CFAP97D2: variants seen among roughly 807,000 people sequenced by gnomAD.
CFAP97D2 encodes the protein CFAP97 domain containing 2.
intron 4 of CFAP97D2, among the ~76,000 whole-genome samples, chr13:114,213,193 C>T (rs2080976032): frequency 6.6e-6 from 1 of 152,166 alleles, no homozygotes; most frequent in Non-Finnish European, 1.5e-5. Context: ...AGATTGCTTT[C>T]CTTAAAATCC....
At chr13:114,198,131 G>A (rs527396376) in intron 2 of CFAP97D2, among the ~76,000 whole-genome samples, 2 of 152,190 alleles carry the variant, frequency 1.3e-5, no homozygotes, top group South Asian at 2.1e-4. Context: ...GGGACTACAG[G>A]CCCGCACCAC....
chr13:114,218,294 AAATACCTAGG>A (rs2138790341), intron 4 of CFAP97D2, among the ~76,000 whole-genome samples: 1 of 152,368 alleles, frequency 6.6e-6, no homozygotes, highest in East Asian at 1.9e-4. Context: ...AAAGAGAATA[AAATACCTAGG>A]AATCCAACTT....
chr13:114,211,268 C>G lies in CFAP97D2; in HGVS notation c.291-644C>G, dbSNP rs2080965500. Among the ~76,000 whole-genome samples, 1 of 152,196 alleles carries G rather than the reference C, an allele frequency of 6.6e-6. No individual in the cohort carries two copies. The highest frequency in any genetic ancestry group is 2.1e-4 in the South Asian group (1 of 4,826). ...CCTGAACAGGTTTCACCGGTCCCAT[C>G]TCACCACTGCAGTGGGCTGGCATCG... On this transcript the variant is annotated intron_variant, in intron 3 of 4. Coordinates refer to ENST00000646158, the Ensembl canonical transcript of CFAP97D2. The surrounding 1 kb of genome is among the most constrained non-coding windows in gnomAD (Gnocchi z 4.2).
Position 114,188,690 on chromosome 13 carries a change from T to C in CFAP97D2, c.91-7706T>C, listed in dbSNP as rs1293709046. 2.7e-5 allele frequency among the ~76,000 whole-genome samples: 4 copies of C among 147,236 alleles called. No individual in the cohort carries two copies. The South Asian group carries it at 6.4e-4, about 24-fold the overall frequency. ...TGCTTGGGAGGCTGAGGCAGGAGAATGGCATGAACCCCGGAGGAGGAGCTT... is the reference window on the plus strand; with the variant it reads ...TGCTTGGGAGGCTGAGGCAGGAGAACGGCATGAACCCCGGAGGAGGAGCTT... On this transcript the variant is annotated intron_variant, in intron 1 of 4. Coordinates refer to ENST00000646158, the Ensembl canonical transcript of CFAP97D2.
At chr13:114,210,244 ATGGGTTCATCACTTTCTTAATCAG>A (rs908764835) in intron 3 of CFAP97D2, among the ~76,000 whole-genome samples, 141 of 152,224 alleles carry the variant, frequency 9.3e-4, no homozygotes, top group Non-Finnish European at 9.0e-4. Context: ...CACCACTTCA[ATGGGTTCATCACTTTCTTAATCAG>A]TTCCATATTA....
In CFAP97D2 at chr13:114,211,517, G is replaced by A. The variant is rs1247037273; in HGVS notation, c.291-395G>A. ...CTGGGTGCTTGCCCTCCCCGCCTGG[G>A]ACCCTGCTCTCCGCCATGGGTGCCC... On this transcript the variant is annotated intron_variant, in intron 3 of 4. Transcript: ENST00000646158. The surrounding 1 kb of genome is among the most constrained non-coding windows in gnomAD (Gnocchi z 4.2). Among the ~76,000 whole-genome samples, 1 of 151,910 alleles carries A rather than the reference G, an allele frequency of 6.6e-6. No homozygotes were observed. The highest frequency in any genetic ancestry group is 1.5e-5 in the Non-Finnish European group (1 of 67,982).
intron 3 of CFAP97D2, among the ~76,000 whole-genome samples, chr13:114,205,618 T>C (rs1237560432): frequency 1.3e-5 from 2 of 151,882 alleles, no homozygotes; most frequent in East Asian, 3.9e-4. Flanking sequence ...AGCTCGTCCC[T>C]TTGGGAAGAG....
chr13:114,215,991 T>C (rs2080991790), intron 4 of CFAP97D2, among the ~76,000 whole-genome samples: 1 of 152,220 alleles, frequency 6.6e-6, no homozygotes, highest in Non-Finnish European at 1.5e-5. Flanking sequence ...GGGGATGAGA[T>C]TTAACAATCC....
intron 4 of CFAP97D2, among the ~76,000 whole-genome samples, chr13:114,213,071 C>G (rs1387913598): frequency 6.6e-6 from 1 of 152,130 alleles, no homozygotes; most frequent in Non-Finnish European, 1.5e-5. Context: ...CATTAATATA[C>G]TGCTTATAAA....
At chr13:114,182,752 G>T (rs11843038) in intron 1 of CFAP97D2, among the ~76,000 whole-genome samples, 15 of 152,278 alleles carry the variant, frequency 9.9e-5, no homozygotes, top group South Asian at 2.1e-4. Context: ...CATACAACAC[G>T]TGTTTTTATG....
chr13:114,185,162 C>A lies in CFAP97D2; in HGVS notation c.90+5742C>A, dbSNP rs982096566. Among the ~76,000 whole-genome samples, 3 of 152,170 alleles carry A rather than the reference C, an allele frequency of 2.0e-5. No individual in the cohort carries two copies. Among genetic ancestry groups the A allele is most frequent in the Admixed American group, 6.5e-5 (1 of 15,274 alleles). ...GCAGGACCTGCTCCCAGGCCCAGGGCCTCCACCACTGCAGACTCTGGCCCC... is the reference window on the plus strand; with the variant it reads ...GCAGGACCTGCTCCCAGGCCCAGGGACTCCACCACTGCAGACTCTGGCCCC... On this transcript the variant is annotated intron_variant, in intron 1 of 4. Coordinates refer to ENST00000646158, the Ensembl canonical transcript of CFAP97D2. This position sits in a 1 kb window ranked among gnomAD's most constrained non-coding sequence, Gnocchi z 5.2.
At chr13:114,199,069 G>A (rs531084277) in intron 2 of CFAP97D2, among the ~76,000 whole-genome samples, 23 of 60,216 alleles carry the variant, frequency 3.8e-4, no homozygotes, top group African/African-American at 1.8e-3. Flanking sequence ...GAGGCGTGAC[G>A]GCGCGTCCCC....
In CFAP97D2 at chr13:114,189,966, A is replaced by G. The variant is rs188343049; in HGVS notation, c.91-6430A>G. 4.7e-4 allele frequency among the ~76,000 whole-genome samples: 72 copies of G among 152,132 alleles called. No individual in the cohort carries two copies. Among genetic ancestry groups the G allele is most frequent in the African/African-American group, 1.7e-3 (70 of 41,498 alleles). ...AGAACAGCTTGAGCAACATAGCAAG[A>G]CCCCATCTTTACAAAAGAATTTTTA... On this transcript the variant is annotated intron_variant, in intron 1 of 4. Coordinates refer to ENST00000646158, the Ensembl canonical transcript of CFAP97D2. This position sits in a 1 kb window ranked among gnomAD's most constrained non-coding sequence, Gnocchi z 4.5.
intron 3 of CFAP97D2, among the ~76,000 whole-genome samples, chr13:114,205,012 G>A (rs1303485642): frequency 6.6e-6 from 1 of 152,186 alleles, no homozygotes. Context: ...ATGGGCAGAA[G>A]ATCTGAATAG....
chr13:114,182,555 A>G (rs1233700135), intron 1 of CFAP97D2, among the ~76,000 whole-genome samples: 1 of 152,028 alleles, frequency 6.6e-6, no homozygotes. Flanking sequence ...AGACTATCAC[A>G]TGGGGAGAAA....
rs1299412898 is a variant in CFAP97D2 at position 114,199,976 on chromosome 13, C to T, written c.172-349C>T. On this transcript the variant is annotated intron_variant, in intron 2 of 4. Coordinates refer to ENST00000646158, the Ensembl canonical transcript of CFAP97D2. ...CCGATGAGGCGTGACGGCGCGTCCC[C>T]GTGCTTACGGTCCCCGATGAGGCGT... Among the ~76,000 whole-genome samples the T allele has an allele frequency of 3.0e-5, 3 of 99,036 alleles. 1 individual carries two copies. The highest frequency in any genetic ancestry group is 6.0e-5 in the Non-Finnish European group (3 of 50,088). 65.0% of individuals were successfully genotyped at this position (99,036 alleles called of 152,430 possible).
At chr13:114,221,972 C>CT (rs2081024367) in intron 4 of CFAP97D2, among the ~76,000 whole-genome samples, 1 of 152,144 alleles carries the variant, frequency 6.6e-6, no homozygotes, top group Non-Finnish European at 1.5e-5. Context: ...TGTCTATCAA[C>CT]TGATGAACAG....
intron 1 of CFAP97D2, among the ~76,000 whole-genome samples, chr13:114,193,197 T>C (rs2138758320): frequency 6.6e-6 from 1 of 152,100 alleles, no homozygotes; most frequent in Non-Finnish European, 1.5e-5. Context: ...CCTAAGTATC[T>C]GGAAAAAAAC....
In CFAP97D2 at chr13:114,185,854, C is replaced by T. The variant is rs555418613; in HGVS notation, c.90+6434C>T. 2.4e-3 allele frequency among the ~76,000 whole-genome samples: 373 copies of T among 152,378 alleles called. 5 individuals carry two copies. The highest frequency in any genetic ancestry group is 0.017 in the Admixed American group (257 of 15,306). On this transcript the variant is annotated intron_variant, in intron 1 of 4. Coordinates refer to ENST00000646158, the Ensembl canonical transcript of CFAP97D2. The surrounding 1 kb of genome is among the most constrained non-coding windows in gnomAD (Gnocchi z 5.2). The stretch of plus-strand genomic sequence containing the variant: ...CTGGCTGCGTGCCTCTTGGCATGAA[C>T]AGCCTGCGTGCCATGAACAGCAACA...
Sources: allele counts gnomAD v4.1 joint callset (sites outside exome capture counted in the v4.1 genomes callset), GRCh38; gene constraint gnomAD v4.1.1; non-coding constraint Gnocchi (gnomAD v3.1); transcripts MANE v1.5; gene names NCBI Gene and HGNC (gene_info 2026-07-23, HGNC 2026-07-21).